The following SMIM31 variants were observed in gnomAD, a reference collection of about 807,000 sequenced individuals.
SMIM31 encodes the protein small integral membrane protein 31.
At chr4:164,770,201 C>A (rs569541876) in intron 1 of SMIM31, among the ~76,000 whole-genome samples, 193 of 151,630 alleles carry the variant, frequency 1.3e-3, no homozygotes, top group African/African-American at 4.4e-3. Context: ...GATTTCTAGG[C>A]TCTCTTCCAA....
chr4:164,779,539 AT>A (rs11352211), intron 2 of SMIM31, among the ~76,000 whole-genome samples: 137,347 of 151,980 alleles, frequency 0.9, 62,297 homozygotes, highest in East Asian at 1. Flanking sequence ...AAAGTCAGCA[AT>A]TTTTTTTTGC....
Position 164,780,295 on chromosome 4 carries a change from C to CGG in SMIM31, c.112+9741_112+9742insGG, listed in dbSNP as rs1560828488. Among the ~76,000 whole-genome samples, 46 of 152,224 alleles carry CGG rather than the reference C, an allele frequency of 3.0e-4. No individual in the cohort carries two copies. In the East Asian group the frequency reaches 8.3e-3, roughly 28 times the overall value. On this transcript the variant is annotated intron_variant, in intron 2 of 2. Transcript: ENST00000507311. ...ACAAAAAATTAGCCAGGCGTGGTGG[C>CGG]GCATGCCTGTAGTCCCAGCTACTCG... is the stretch of plus-strand genomic sequence containing the variant.
intron 1 of SMIM31, among the ~76,000 whole-genome samples, chr4:164,758,630 G>GTTTTTTTTTTTTT (rs1210607914): frequency 1.0e-5 from 1 of 96,640 alleles, no homozygotes; most frequent in Non-Finnish European, 1.9e-5. Flanking sequence ...TCCTTTTTTT[G>GTTTTTTTTTTTTT]TTTTTTTTTT....
intron 1 of SMIM31, among the ~76,000 whole-genome samples, chr4:164,758,178 A>G (rs28753124): frequency 0.11 from 17,387 of 152,012 alleles, 1,112 homozygotes; most frequent in African/African-American, 0.16. Flanking sequence ...TTTATTTTAC[A>G]ATTATTGAGG....
chr4:164,763,425 G>T (rs575873759), intron 1 of SMIM31, among the ~76,000 whole-genome samples: 1 of 152,156 alleles, frequency 6.6e-6, no homozygotes, highest in East Asian at 1.9e-4. Context: ...TCTTTTAAAA[G>T]ACATTTTACA....
At chr4:164,768,275 G>C (rs1732747135) in intron 1 of SMIM31, among the ~76,000 whole-genome samples, 1 of 150,846 alleles carries the variant, frequency 6.6e-6, no homozygotes, top group African/African-American at 2.4e-5. Context: ...AGAAAGAAGA[G>C]AAAGAAAGAG....
chr4:164,795,697 TAA>T (rs148174139), intron 2 of SMIM31, among the ~76,000 whole-genome samples: 13,870 of 151,630 alleles, frequency 0.091, 656 homozygotes, highest in Middle Eastern at 0.12. Flanking sequence ...AATAAATAAA[TAA>T]AGATTGTATT....
chr4:164,767,960 A>G (rs879387760), intron 1 of SMIM31, among the ~76,000 whole-genome samples: 5 of 152,116 alleles, frequency 3.3e-5, no homozygotes, highest in Non-Finnish European at 7.4e-5. Flanking sequence ...ACAGGGCCAG[A>G]GGCGGTAGCT....
chr4:164,761,726 G>A (rs1732652583), intron 1 of SMIM31, among the ~76,000 whole-genome samples: 1 of 151,248 alleles, frequency 6.6e-6, no homozygotes, highest in Admixed American at 6.6e-5. Flanking sequence ...AGACCAGCCT[G>A]GCCAAGATGG....
chr4:164,766,573 C>T (rs554338310), intron 1 of SMIM31, among the ~76,000 whole-genome samples: 4 of 151,888 alleles, frequency 2.6e-5, no homozygotes, highest in South Asian at 4.2e-4. Flanking sequence ...CTGAGGCAGG[C>T]GGATCACGAG....
intron 2 of SMIM31, among the ~76,000 whole-genome samples, chr4:164,793,454 T>C (rs1733132810): frequency 6.6e-6 from 1 of 152,200 alleles, no homozygotes; most frequent in South Asian, 2.1e-4. Context: ...TCTGCCATAA[T>C]AAAATACCTT....
intron 2 of SMIM31, among the ~76,000 whole-genome samples, chr4:164,799,759 C>T (rs1251198785): frequency 6.6e-6 from 1 of 152,174 alleles, no homozygotes; most frequent in Admixed American, 6.5e-5. Context: ...TCACAAAACG[C>T]AGTGATCTTT....
At chr4:164,757,270 T>C (rs1478529237) in intron 1 of SMIM31, among the ~76,000 whole-genome samples, 1 of 152,224 alleles carries the variant, frequency 6.6e-6, no homozygotes, top group East Asian at 1.9e-4. Flanking sequence ...TGGATTGTCT[T>C]TTTGTTATTG....
At position 164,786,974 on chromosome 4, in the gene SMIM31, G is replaced by A. The variant is rs529695003; in HGVS notation, c.113-14117G>A. On this transcript the variant is annotated intron_variant, in intron 2 of 2. Transcript: ENST00000507311. The stretch of plus-strand genomic sequence containing the variant: ...CTTGGAATTGCTAATAGAACCATGA[G>A]GCTACAGGTGGCACCAGTAATTCTT... Among the ~76,000 whole-genome samples the A allele has an allele frequency of 2.0e-5, 3 of 152,246 alleles. No individual in the cohort carries two copies. In the South Asian group the frequency reaches 6.2e-4, roughly 32 times the overall value.
intron 2 of SMIM31, among the ~76,000 whole-genome samples, chr4:164,794,757 A>G (rs1164586890): frequency 6.6e-6 from 1 of 152,078 alleles, no homozygotes; most frequent in Non-Finnish European, 1.5e-5. Context: ...GTGAGCTGAG[A>G]TCAGGCCACT....
rs199775435 is a variant in SMIM31 at position 164,797,414 on chromosome 4, G to GTA, written c.113-3667_113-3666dup. Among the ~76,000 whole-genome samples the GTA allele has an allele frequency of 5.0e-3, 747 of 149,860 alleles. 4 individuals carry two copies. Among genetic ancestry groups the GTA allele is most frequent in the African/African-American group, 0.016 (656 of 40,826 alleles). On this transcript the variant is annotated intron_variant, in intron 2 of 2. Coordinates refer to ENST00000507311, the MANE Select transcript of SMIM31 (RefSeq NM_001352885.1). ...TATAAACACAGATACAAAAGGACAT[G>GTA]TATATATATATGTATGTATGTATTT...
At chr4:164,799,543 G>C (rs1400640147) in intron 2 of SMIM31, among the ~76,000 whole-genome samples, 2 of 152,074 alleles carry the variant, frequency 1.3e-5, no homozygotes, top group Non-Finnish European at 2.9e-5. Context: ...AAAAACAGGA[G>C]GAATTCCTCC....
At chr4:164,781,094 C>A (rs565575352) in intron 2 of SMIM31, among the ~76,000 whole-genome samples, 1 of 151,710 alleles carries the variant, frequency 6.6e-6, no homozygotes, top group Admixed American at 6.6e-5. Context: ...CAGGTGTGAG[C>A]CACCATTCCT....
At chr4:164,781,770 A>G (rs2110945755) in intron 2 of SMIM31, among the ~76,000 whole-genome samples, 1 of 152,318 alleles carries the variant, frequency 6.6e-6, no homozygotes, top group South Asian at 2.1e-4. Context: ...CCAACTTCAT[A>G]AGATTACATA....
Sources: gnomAD v4.1 joint callset for allele counts (sites outside exome capture counted in the v4.1 genomes callset) on GRCh38, gnomAD v4.1.1 for gene constraint, MANE v1.5 for transcripts, NCBI Gene and HGNC (gene_info 2026-07-23, HGNC 2026-07-21) for gene names.